The following NRXN1 variants were observed in gnomAD, a reference collection of about 807,000 sequenced individuals.
NRXN1 encodes neurexin 1.
In NRXN1, 39 loss-of-function variants were observed where a neutral mutation model predicts 150.9. The observed-to-expected ratio is 0.26, with a 90% confidence interval of 0.20 to 0.34. The LOEUF is 0.34. Among genes scored for constraint, NRXN1 ranks in the 10% least tolerant of loss-of-function variants. The pLI is 1.00. For synonymous variants in NRXN1, 924 were observed against 757.0 expected, an observed-to-expected ratio of 1.22 and a Z score of -3.62; for missense variants, 1,815 against 1,949.9, an observed-to-expected ratio of 0.93 and a Z score of 1.30.
chr2:50,292,375 T>C (rs1243946578), intron 17 of NRXN1, among the ~76,000 whole-genome samples: 4 of 152,182 alleles, frequency 2.6e-5, no homozygotes, highest in Admixed American at 2.0e-4. Flanking sequence ...TCCTACTTCC[T>C]GGCTCTTTGG....
intron 17 of NRXN1, among the ~76,000 whole-genome samples, chr2:50,351,056 T>A (rs2153000870): frequency 6.6e-6 from 1 of 152,232 alleles, no homozygotes; most frequent in South Asian, 2.1e-4. Flanking sequence ...AAAACATGAG[T>A]AATCTGGATG....
intron 12 of NRXN1, 130 bp downstream of exon 12, chr2:50,528,495 C>T (rs1310547163): frequency 3.2e-6 from 2 of 634,890 alleles, no homozygotes; most frequent in Admixed American, 6.8e-5. Context: ...AGATGATGGA[C>T]TGGTATACTT....
chr2:50,545,543 T>C (rs1210957779), intron 9 of NRXN1, among the ~76,000 whole-genome samples: 1 of 152,146 alleles, frequency 6.6e-6, no homozygotes, highest in African/African-American at 2.4e-5. Context: ...GCGGTTTCAT[T>C]TCCCAGGTTT....
intron 8 of NRXN1, among the ~76,000 whole-genome samples, chr2:50,562,662 G>C (rs1669283578): frequency 6.6e-6 from 1 of 152,086 alleles, no homozygotes; most frequent in Non-Finnish European, 1.5e-5. Context: ...TCCACAAAGA[G>C]TTAGTTATTT....
At chr2:50,356,074 A>AG (rs1300378525) in intron 17 of NRXN1, among the ~76,000 whole-genome samples, 8 of 152,268 alleles carry the variant, frequency 5.3e-5, no homozygotes, top group African/African-American at 1.9e-4. Flanking sequence ...CAAAAAAAAA[A>AG]AGAAAGTACT....
In NRXN1 at chr2:50,295,890, T is replaced by C. The variant is rs555117878; in HGVS notation, c.3365-58920A>G. Among the ~76,000 whole-genome samples, 25 of 152,334 alleles carry C rather than the reference T, an allele frequency of 1.6e-4. No homozygotes were observed. In the South Asian group the frequency reaches 5.0e-3, roughly 30 times the overall value. ...ATTGGGAGAGAGGACAAACCACTAC[T>C]TACCTGTAAAAGCTTCACCAGTTTA... On this transcript the variant is annotated intron_variant, in intron 17 of 22. Coordinates refer to ENST00000401669, the MANE Select transcript of NRXN1 (RefSeq NM_001330078.2).
At chr2:50,472,219 T>G in intron 16 of NRXN1, 79 bp downstream of exon 16, 1 of 1,256,452 alleles carries the variant, frequency 8.0e-7, no homozygotes, top group Non-Finnish European at 1.1e-6. Flanking sequence ...TATCAGAATT[T>G]TGCTGGACAG....
chr2:50,479,526 A>T (rs1020041730), intron 15 of NRXN1, among the ~76,000 whole-genome samples: 2 of 152,188 alleles, frequency 1.3e-5, no homozygotes, highest in Admixed American at 6.5e-5. Flanking sequence ...TATTTGAAGG[A>T]ATAATCCTAA....
intron 2 of NRXN1, among the ~76,000 whole-genome samples, chr2:51,011,528 G>T (rs993622779): frequency 6.6e-6 from 1 of 151,958 alleles, no homozygotes; most frequent in African/African-American, 2.4e-5. Flanking sequence ...CTTACAGATG[G>T]GTTTTAAATG....
chr2:50,921,976 A>T (rs1686110867), intron 4 of NRXN1, 96 bp from the exon 5 acceptor site: 2 of 586,362 alleles, frequency 3.4e-6, no homozygotes, highest in Non-Finnish European at 5.6e-6. Flanking sequence ...AACATATGTA[A>T]AGCCACTACT....
At chr2:50,865,971 A>T (rs1212279644) in intron 5 of NRXN1, among the ~76,000 whole-genome samples, 1 of 151,752 alleles carries the variant, frequency 6.6e-6, no homozygotes, top group Non-Finnish European at 1.5e-5. Context: ...AACAAGGACA[A>T]AAAAACGAAC....
At chr2:50,172,925 C>T (rs1307974619) in intron 18 of NRXN1, among the ~76,000 whole-genome samples, 1 of 152,088 alleles carries the variant, frequency 6.6e-6, no homozygotes, top group Non-Finnish European at 1.5e-5. Context: ...TGAGATTGTG[C>T]CACTGCACTC....
At chr2:50,902,259 T>G (rs957304092) in intron 5 of NRXN1, among the ~76,000 whole-genome samples, 3 of 152,058 alleles carry the variant, frequency 2.0e-5, no homozygotes, top group Non-Finnish European at 4.4e-5. Context: ...ACCAAAACAT[T>G]TATTCATTTT....
intron 17 of NRXN1, among the ~76,000 whole-genome samples, chr2:50,450,444 A>G (rs369428648): frequency 2.0e-4 from 30 of 152,138 alleles, no homozygotes; most frequent in African/African-American, 7.2e-4. Flanking sequence ...AACAGAAAAA[A>G]AAAAAAAATC....
At chr2:50,578,100 G>C (rs1403866065) in intron 8 of NRXN1, among the ~76,000 whole-genome samples, 2 of 152,122 alleles carry the variant, frequency 1.3e-5, no homozygotes, top group East Asian at 3.9e-4. Flanking sequence ...TCCACAACAA[G>C]TTGTTGCAGA....
chr2:50,829,534 T>G, intron 5 of NRXN1: 2 of 1,610,360 alleles, frequency 1.2e-6, no homozygotes, highest in Non-Finnish European at 1.7e-6. Flanking sequence ...GCGATGGCCT[T>G]ATAAGGGATC....
rs372295568 is a variant in NRXN1 at position 50,280,845 on chromosome 2, T to TGTTTG, written c.3365-43880_3365-43876dup. ...AATGAAAGGGAGGTTTTCCTGTTTT[T>TGTTTG]GTTTGGTTTGGTTGTTGTTGTTTTG... On this transcript the variant is annotated intron_variant, in intron 17 of 22. Transcript: ENST00000401669. 7.2e-3 allele frequency among the ~76,000 whole-genome samples: 1,099 copies of TGTTTG among 152,212 alleles called. 19 individuals carry two copies. The highest frequency in any genetic ancestry group is 0.025 in the African/African-American group (1,025 of 41,522).
chr2:50,178,063 C>A (rs2060462284), intron 18 of NRXN1, among the ~76,000 whole-genome samples: 1 of 151,990 alleles, frequency 6.6e-6, no homozygotes, highest in South Asian at 2.1e-4. Context: ...TACATGTATT[C>A]TCTTCAATTT....
intron 17 of NRXN1, among the ~76,000 whole-genome samples, chr2:50,372,061 C>T (rs1418283357): frequency 1.3e-5 from 2 of 152,088 alleles, no homozygotes; most frequent in Non-Finnish European, 2.9e-5. Flanking sequence ...CTGTTGCTTA[C>T]TCCAATGTCT....
Sources: allele counts gnomAD v4.1 joint callset (sites outside exome capture counted in the v4.1 genomes callset), GRCh38; gene constraint gnomAD v4.1.1; transcripts MANE v1.5; gene names NCBI Gene and HGNC (gene_info 2026-07-23, HGNC 2026-07-21).